CTNND2: variants seen among roughly 807,000 people sequenced by gnomAD.
The protein encoded by CTNND2 is catenin delta-2.
A neutral mutation model predicts 144.4 loss-of-function variants in CTNND2; 22 were observed. That is an observed-to-expected ratio of 0.15 (90% CI 0.11 to 0.22). CTNND2 has a LOEUF of 0.22. Among genes scored for constraint, CTNND2 ranks in the 10% least tolerant of loss-of-function variants. The probability of loss-of-function intolerance (pLI) is 1.00; values close to 1 mark genes in which losing one functional copy is unlikely to be tolerated. For missense variants in CTNND2, 1,353 were observed against 1,618.8 expected (o/e 0.84, Z 2.82); for synonymous variants, 751 against 695.6 (o/e 1.08, Z -1.25).
chr5:11,358,802 A>G (rs1433751581), intron 8 of CTNND2, among the ~76,000 whole-genome samples: 1 of 151,734 alleles, frequency 6.6e-6, no homozygotes, highest in South Asian at 2.1e-4. Flanking sequence ...TTTTCTTTTT[A>G]TGTTGCAGTA....
At chr5:11,548,962 G>C (rs1196435909) in intron 3 of CTNND2, among the ~76,000 whole-genome samples, 3 of 152,186 alleles carry the variant, frequency 2.0e-5, no homozygotes, top group Non-Finnish European at 4.4e-5. Context: ...AAATGGTCCA[G>C]TTGAAGCTTA....
chr5:11,705,844 A>G (rs1021728641), intron 2 of CTNND2, among the ~76,000 whole-genome samples: 3 of 152,198 alleles, frequency 2.0e-5, no homozygotes, highest in Non-Finnish European at 4.4e-5. Flanking sequence ...AAAAGAATAT[A>G]GCACAGTGAT....
intron 10 of CTNND2, among the ~76,000 whole-genome samples, chr5:11,212,410 C>T (rs568060395): frequency 2.6e-5 from 4 of 152,286 alleles, no homozygotes; most frequent in South Asian, 4.2e-4. Flanking sequence ...ATGTAGTACA[C>T]GATTAAACTC....
chr5:11,625,552 T>C (rs1294380586), intron 2 of CTNND2, among the ~76,000 whole-genome samples: 1 of 152,132 alleles, frequency 6.6e-6, no homozygotes, highest in Non-Finnish European at 1.5e-5. Context: ...TTTGCAATCA[T>C]GGATTAAACA....
chr5:11,026,354 TTC>T (rs1193941458), intron 16 of CTNND2, among the ~76,000 whole-genome samples: 1 of 125,360 alleles, frequency 8.0e-6, no homozygotes, highest in African/African-American at 2.9e-5. Flanking sequence ...CACCTTCTTC[TTC>T]TTTTTTTTTT....
At chr5:11,036,780 T>G (rs1462360004) in intron 16 of CTNND2, among the ~76,000 whole-genome samples, 2 of 152,222 alleles carry the variant, frequency 1.3e-5, no homozygotes, top group East Asian at 3.8e-4. Flanking sequence ...AGATTTTTCT[T>G]CTTCACTTTA....
chr5:11,671,249 G>A (rs1029444117), intron 2 of CTNND2, among the ~76,000 whole-genome samples: 1 of 152,044 alleles, frequency 6.6e-6, no homozygotes, highest in Non-Finnish European at 1.5e-5. Flanking sequence ...TGACGATTAT[G>A]TGTCATGGGG....
chr5:11,827,155 A>T (rs1044412495), intron 1 of CTNND2, among the ~76,000 whole-genome samples: 1 of 152,216 alleles, frequency 6.6e-6, no homozygotes, highest in Non-Finnish European at 1.5e-5. Flanking sequence ...TTAAGTTTGC[A>T]ACTTACAACA....
intron 18 of CTNND2, among the ~76,000 whole-genome samples, chr5:10,994,349 A>G (rs1579980039): frequency 4.6e-5 from 1 of 21,724 alleles, no homozygotes; most frequent in Non-Finnish European, 8.6e-5. Flanking sequence ...CCGGGGAAGG[A>G]GGAGGGGGGC....
intron 3 of CTNND2, among the ~76,000 whole-genome samples, chr5:11,558,732 C>T (rs1459850439): frequency 6.6e-6 from 1 of 152,106 alleles, no homozygotes; most frequent in Non-Finnish European, 1.5e-5. Context: ...CAGGGTCAAC[C>T]TATAGCTTTG....
At chr5:11,032,105 C>G (rs990770473) in intron 16 of CTNND2, among the ~76,000 whole-genome samples, 5 of 152,224 alleles carry the variant, frequency 3.3e-5, no homozygotes, top group African/African-American at 1.2e-4. Flanking sequence ...TAGACAGATT[C>G]TGCCAATGTG....
At chr5:11,458,019 T>A (rs964148544) in intron 3 of CTNND2, among the ~76,000 whole-genome samples, 1 of 152,194 alleles carries the variant, frequency 6.6e-6, no homozygotes, top group Non-Finnish European at 1.5e-5. Flanking sequence ...CATGTTTTCA[T>A]GACATGATAA....
chr5:11,039,551 C>T (rs1206484146), intron 16 of CTNND2, among the ~76,000 whole-genome samples: 1 of 152,012 alleles, frequency 6.6e-6, no homozygotes, highest in Non-Finnish European at 1.5e-5. Flanking sequence ...TCAAGAGATG[C>T]CTTGATTTTT....
intron 9 of CTNND2, among the ~76,000 whole-genome samples, chr5:11,317,150 A>C (rs1474777265): frequency 2.0e-5 from 3 of 152,242 alleles, no homozygotes; most frequent in African/African-American, 7.2e-5. Flanking sequence ...AATGGCGATC[A>C]TTAATATCCA....
intron 18 of CTNND2, among the ~76,000 whole-genome samples, chr5:11,010,801 G>C (rs574698435): frequency 6.6e-6 from 1 of 152,238 alleles, no homozygotes; most frequent in Non-Finnish European, 1.5e-5. Flanking sequence ...AGGCCATGAA[G>C]GGCATGACTC....
rs1323382883 is a variant in CTNND2, at chr5:11,481,644, A to G, written c.288-69575T>C. On this transcript the variant is annotated intron_variant, in intron 3 of 21. Coordinates refer to ENST00000304623, the MANE Select transcript of CTNND2 (RefSeq NM_001332.4). Reference sequence around the variant, plus strand: ...GAGACGGAGAGAGAGAGAAAGAGAAAGAGACAGAGAGACAGACAGACAGAA... The same window carrying G: ...GAGACGGAGAGAGAGAGAAAGAGAAGGAGACAGAGAGACAGACAGACAGAA... Among the ~76,000 whole-genome samples, 4 of 152,136 alleles carry G rather than the reference A, an allele frequency of 2.6e-5. No homozygotes were observed. In the East Asian group the frequency reaches 7.7e-4, roughly 29 times the overall value.
chr5:11,790,466 C>G (rs1791072576), intron 1 of CTNND2, among the ~76,000 whole-genome samples: 1 of 152,152 alleles, frequency 6.6e-6, no homozygotes, highest in Non-Finnish European at 1.5e-5. Flanking sequence ...TAAACCTATG[C>G]TCTCTTCCTT....
chr5:11,483,664 C>T (rs1293315544), intron 3 of CTNND2, among the ~76,000 whole-genome samples: 5 of 152,142 alleles, frequency 3.3e-5, no homozygotes, highest in African/African-American at 7.2e-5. Flanking sequence ...GTAAGCTCCT[C>T]GAGAGTAAGG....
intron 5 of CTNND2, among the ~76,000 whole-genome samples, chr5:11,400,855 GA>G (rs1760581064): frequency 6.6e-6 from 1 of 152,236 alleles, no homozygotes; most frequent in Admixed American, 6.5e-5. Context: ...ATGGTAACAT[GA>G]AGAGGCTTGG....
Sources: gnomAD v4.1 joint callset for allele counts (sites outside exome capture counted in the v4.1 genomes callset) on GRCh38, gnomAD v4.1.1 for gene constraint, MANE v1.5 for transcripts, NCBI Gene and HGNC (gene_info 2026-07-23, HGNC 2026-07-21) for gene names.